The following LIN52 variants were observed in gnomAD, a reference collection of about 807,000 sequenced individuals.
LIN52 encodes protein lin-52 homolog.
Under a neutral mutation model 18.5 loss-of-function variants are expected in LIN52, and 4 were observed. The observed-to-expected ratio is 0.22, with a 90% CI of 0.11 to 0.49. The LOEUF (loss-of-function observed/expected upper bound fraction) is 0.49. LIN52 is among the 20% of genes least tolerant of loss of function. The probability of loss-of-function intolerance (pLI) is 0.97; values close to 1 mark genes in which losing one functional copy is unlikely to be tolerated. For missense variants in LIN52, 102 were observed against 139.5 expected (o/e 0.73, Z 1.35); for synonymous variants, 34 against 45.5 (o/e 0.75, Z 1.02).
chr14:74,189,145 C>T (rs574307557), intron 5 of LIN52, among the ~76,000 whole-genome samples: 1 of 152,174 alleles, frequency 6.6e-6, no homozygotes, highest in Non-Finnish European at 1.5e-5. Flanking sequence ...GATCAAGTCA[C>T]TTTGACTAGT....
chr14:74,147,026 A>G (rs1298144888), intron 5 of LIN52, among the ~76,000 whole-genome samples: 1 of 152,144 alleles, frequency 6.6e-6, no homozygotes, highest in Non-Finnish European at 1.5e-5. Context: ...TGGGACGCCG[A>G]GGTGGGTGGA....
rs1566856553 is a variant in LIN52 at position 74,130,284 on chromosome 14, T to TTTTTTTTTTTTTTTTTTTTTTTTTTTG, written c.283+29058_283+29059insTTTTTTTTTTTTTTGTTTTTTTTTTTT. Among the ~76,000 whole-genome samples the TTTTTTTTTTTTTTTTTTTTTTTTTTTG allele has an allele frequency of 1.7e-4, 22 of 127,906 alleles. 1 individual carries two copies. The highest frequency in any genetic ancestry group is 6.8e-4 in the African/African-American group (22 of 32,184). The allele number at this position is 127,906 out of a possible 152,430, so 83.9% of individuals were successfully genotyped here. ...ATTAGATAGGCATTTTTTGGTTTTTTTTTTTTTTTTTTGAGACAGTCTCGC... is the reference window on the plus strand; with the variant it reads ...ATTAGATAGGCATTTTTTGGTTTTTTTTTTTTTTTTTTTTTTTTTTTTTTTTGTTTTTTTTTTTTGAGACAGTCTCGC... On this transcript the variant is annotated intron_variant, in intron 5 of 5. Transcript: ENST00000555028.
intron 5 of LIN52, among the ~76,000 whole-genome samples, chr14:74,178,226 A>G (rs2139582195): frequency 6.6e-6 from 1 of 152,312 alleles, no homozygotes; most frequent in Admixed American, 6.5e-5. Flanking sequence ...AACCTCAAAG[A>G]CACATCATTG....
At chr14:74,107,025 G>A (rs188508112) in intron 5 of LIN52, among the ~76,000 whole-genome samples, 3 of 152,276 alleles carry the variant, frequency 2.0e-5, no homozygotes, top group Admixed American at 2.0e-4. Flanking sequence ...TCTGACCCTC[G>A]CCGGATTACT....
intron 5 of LIN52, among the ~76,000 whole-genome samples, chr14:74,153,380 G>C (rs1273291869): frequency 6.6e-6 from 1 of 151,842 alleles, no homozygotes; most frequent in Non-Finnish European, 1.5e-5. Flanking sequence ...TTTTGCATGG[G>C]GTTATCTTCT....
At chr14:74,183,443 A>T (rs2061327900) in intron 5 of LIN52, among the ~76,000 whole-genome samples, 1 of 152,114 alleles carries the variant, frequency 6.6e-6, no homozygotes, top group South Asian at 2.1e-4. Context: ...ATCTATTTCC[A>T]GGCCAATTAA....
At chr14:74,127,400 G>T (rs1385163458) in intron 5 of LIN52, among the ~76,000 whole-genome samples, 1 of 152,184 alleles carries the variant, frequency 6.6e-6, no homozygotes. Flanking sequence ...GTAGTGGGAA[G>T]GTGCACAGTG....
Position 74,114,515 on chromosome 14 carries a change from T to C in LIN52, c.283+13277T>C. ...ATGTCTGGATGGGGATGTTACGGGA[T>C]AAGCTGAAATTAGAGCTTACCATGA... On this transcript the variant is annotated intron_variant, in intron 5 of 5. Transcript: ENST00000555028. 6.7e-6 allele frequency: 5 copies of C among 750,668 alleles called. No individual in the cohort carries two copies. The South Asian group carries it at 1.8e-4, about 27-fold the overall frequency. 46.5% of individuals were successfully genotyped at this position (750,668 alleles called of 1,614,324 possible).
At chr14:74,175,076 G>T (rs1232645972) in intron 5 of LIN52, among the ~76,000 whole-genome samples, 1 of 142,326 alleles carries the variant, frequency 7.0e-6, no homozygotes, top group African/African-American at 2.6e-5. Flanking sequence ...ACCATGAGTG[G>T]AACTTATAGG....
intron 1 of LIN52, chr14:74,085,667 G>A (rs1459054093): frequency 2.6e-5 from 4 of 151,904 alleles, no homozygotes; most frequent in Admixed American, 2.6e-4. Context: ...AACGATTTCT[G>A]TTTATATATT....
chr14:74,108,657 G>A (rs976118222), intron 5 of LIN52, among the ~76,000 whole-genome samples: 4 of 152,022 alleles, frequency 2.6e-5, no homozygotes, highest in Non-Finnish European at 5.9e-5. Flanking sequence ...TGTTTAGCAT[G>A]TTTTCATGTG....
chr14:74,188,617 G>A (rs957656749), intron 5 of LIN52, among the ~76,000 whole-genome samples: 4 of 151,406 alleles, frequency 2.6e-5, no homozygotes, highest in African/African-American at 4.9e-5. Flanking sequence ...CAGTAATTAC[G>A]GGTCATCTTC....
chr14:74,113,344 A>C (rs1372912556), intron 5 of LIN52, among the ~76,000 whole-genome samples: 1 of 152,198 alleles, frequency 6.6e-6, no homozygotes, highest in Non-Finnish European at 1.5e-5. Context: ...GTGAACTGAG[A>C]TGATGCCACT....
At chr14:74,092,850 G>A (rs1360041275) in intron 2 of LIN52, among the ~76,000 whole-genome samples, 1 of 151,702 alleles carries the variant, frequency 6.6e-6, no homozygotes, top group Admixed American at 6.5e-5. Flanking sequence ...CCGGGAGGCG[G>A]AGGTTGCAGT....
chr14:74,119,731 A>C (rs1403604867), intron 5 of LIN52, among the ~76,000 whole-genome samples: 1 of 151,810 alleles, frequency 6.6e-6, no homozygotes, highest in Non-Finnish European at 1.5e-5. Flanking sequence ...GAGGTTGAGC[A>C]CCTTTTTGTA....
At chr14:74,099,571 T>G (rs1337955117) in intron 4 of LIN52, among the ~76,000 whole-genome samples, 1 of 149,534 alleles carries the variant, frequency 6.7e-6, no homozygotes, top group Non-Finnish European at 1.5e-5. Flanking sequence ...GAAAGAACAT[T>G]TTTAAGTATT....
chr14:74,107,905 ATT>A (rs2060906758), intron 5 of LIN52, among the ~76,000 whole-genome samples: 1 of 152,058 alleles, frequency 6.6e-6, no homozygotes, highest in Non-Finnish European at 1.5e-5. Flanking sequence ...ATAATTCCCC[ATT>A]TATAGTGTGC....
chr14:74,113,115 A>G (rs1322670931), intron 5 of LIN52, among the ~76,000 whole-genome samples: 1 of 152,208 alleles, frequency 6.6e-6, no homozygotes, highest in Non-Finnish European at 1.5e-5. Flanking sequence ...AAACCTGGCC[A>G]GGTGCGGTGG....
rs559745218 is a variant in LIN52 at position 74,120,647 on chromosome 14, C to T, written c.283+19409C>T. Among the ~76,000 whole-genome samples the T allele has an allele frequency of 1.1e-3, 168 of 151,386 alleles. 2 individuals carry two copies. Among genetic ancestry groups the T allele is most frequent in the South Asian group, 3.1e-3 (15 of 4,770 alleles). ...GTGGGTGCCTGTAATCCCAGCTACTCGGGAGGTTGAGGCAGGAGAATCGCT... is the reference window on the plus strand; with the variant it reads ...GTGGGTGCCTGTAATCCCAGCTACTTGGGAGGTTGAGGCAGGAGAATCGCT... On this transcript the variant is annotated intron_variant, in intron 5 of 5. Coordinates refer to ENST00000555028, the MANE Select transcript of LIN52 (RefSeq NM_001024674.3).
Sources: gnomAD v4.1 joint callset for allele counts (sites outside exome capture counted in the v4.1 genomes callset) on GRCh38, gnomAD v4.1.1 for gene constraint, MANE v1.5 for transcripts, NCBI Gene and HGNC (gene_info 2026-07-23, HGNC 2026-07-21) for gene names.